The following CRYBA4 variants were observed in gnomAD, a reference collection of about 807,000 sequenced individuals.
CRYBA4 encodes the protein crystallin beta A4.
CRYBA4 carries 30 observed loss-of-function variants against 31.7 expected under a neutral mutation model. The ratio of observed to expected loss-of-function variants is 0.95; its 90% CI spans 0.71 to 1.28. The LOEUF (loss-of-function observed/expected upper bound fraction) is 1.28, where lower values mean the gene tolerates loss of function less well. CRYBA4 is among the 50% of genes most tolerant of loss of function. The pLI is 0.00. For synonymous variants in CRYBA4, 102 were observed against 102.3 expected (o/e 1.00, Z 0.02); for missense variants, 225 against 260.7 (o/e 0.86, Z 0.94).
chr22:26,604,397 C>T, the CRYBA4 span, among the ~76,000 whole-genome samples: 1 of 152,212 alleles, frequency 6.6e-6, no homozygotes, highest in Non-Finnish European at 1.5e-5. Flanking sequence ...CTGTTATTAT[C>T]TACTGTTATT....
intron 5 of CRYBA4, among the ~76,000 whole-genome samples, chr22:26,629,760 A>G (rs577140653): frequency 1.1e-4 from 17 of 151,148 alleles, no homozygotes; most frequent in African/African-American, 3.6e-4. Context: ...AAAAAAATCA[A>G]TGAATTGAAA....
the CRYBA4 span, among the ~76,000 whole-genome samples, chr22:26,611,089 G>GC: frequency 9.9e-5 from 15 of 152,242 alleles, no homozygotes; most frequent in South Asian, 3.1e-3. Flanking sequence ...AGTCACTAAG[G>GC]CCCAGAGACA....
chr22:26,594,383 A>G, the CRYBA4 span, among the ~76,000 whole-genome samples: 2 of 152,110 alleles, frequency 1.3e-5, no homozygotes, highest in African/African-American at 4.8e-5. Context: ...CCCCACATAT[A>G]CACACTGCCG....
upstream of CRYBA4, among the ~76,000 whole-genome samples, chr22:26,618,251 C>A (rs1929423655): frequency 6.6e-6 from 1 of 152,244 alleles, no homozygotes; most frequent in Non-Finnish European, 1.5e-5. Flanking sequence ...CCTACCCTGA[C>A]TCCTTTCTCA....
upstream of CRYBA4, among the ~76,000 whole-genome samples, chr22:26,618,887 G>A (rs550301062): frequency 5.9e-4 from 90 of 152,288 alleles, no homozygotes; most frequent in Middle Eastern, 6.8e-3. Context: ...TATCGACAGT[G>A]ATCCCTCTCG....
the CRYBA4 span, chr22:26,599,482 G>T: frequency 9.9e-5 from 159 of 1,607,978 alleles, no homozygotes; most frequent in Non-Finnish European, 1.3e-4. Context: ...GCAGAGTGAG[G>T]TGTGGACTCA....
At chr22:26,630,038 A>G (rs547597181) in intron 5 of CRYBA4, among the ~76,000 whole-genome samples, 1 of 152,376 alleles carries the variant, frequency 6.6e-6, no homozygotes. Flanking sequence ...AGTGCTACAA[A>G]GGTATAATAA....
At chr22:26,621,758 CCTT>C (rs1929538888), upstream of CRYBA4, among the ~76,000 whole-genome samples, 1 of 152,224 alleles carries the variant, frequency 6.6e-6, no homozygotes, top group Non-Finnish European at 1.5e-5. Context: ...CCACCTCTCT[CCTT>C]CTTCGTGGCT....
intron 2 of CRYBA4, among the ~76,000 whole-genome samples, chr22:26,622,976 T>C (rs1929579944): frequency 6.6e-6 from 1 of 152,214 alleles, no homozygotes; most frequent in African/African-American, 2.4e-5. Flanking sequence ...GATCTAGTGA[T>C]TGTCTTGAGA....
chr22:26,602,883 G>A, the CRYBA4 span, among the ~76,000 whole-genome samples: 1 of 152,030 alleles, frequency 6.6e-6, no homozygotes, highest in African/African-American at 2.4e-5. Flanking sequence ...CAGCACTTTG[G>A]GAGGCCGAGG....
chr22:26,623,693 C>T (rs1400478403), intron 3 of CRYBA4, among the ~76,000 whole-genome samples: 1 of 151,536 alleles, frequency 6.6e-6, no homozygotes, highest in Non-Finnish European at 1.5e-5. Flanking sequence ...TAAAAATAAA[C>T]ATAATGTTTT....
the CRYBA4 span, chr22:26,601,821 C>T: frequency 1.2e-6 from 2 of 1,609,894 alleles, no homozygotes; most frequent in East Asian, 4.5e-5. Flanking sequence ...GGGGAGCAGC[C>T]TCTGATTCTG....
intron 4 of CRYBA4, among the ~76,000 whole-genome samples, chr22:26,627,644 C>T (rs550361888): frequency 5.7e-5 from 8 of 140,186 alleles, no homozygotes; most frequent in South Asian, 2.2e-4. Context: ...TTCTCTCTCT[C>T]TCTTTCTTTC....
the CRYBA4 span, among the ~76,000 whole-genome samples, chr22:26,612,485 C>A: frequency 2.0e-5 from 3 of 152,192 alleles, no homozygotes; most frequent in Non-Finnish European, 4.4e-5. Flanking sequence ...ACCTCAGCCT[C>A]CGAGTAGTTG....
chr22:26,597,280 G>A, the CRYBA4 span, among the ~76,000 whole-genome samples: 2 of 151,980 alleles, frequency 1.3e-5, no homozygotes, highest in African/African-American at 4.8e-5. Flanking sequence ...GCTTCACCGG[G>A]GCCCACCACA....
chr22:26,610,589 T>C, the CRYBA4 span, among the ~76,000 whole-genome samples: 2 of 152,314 alleles, frequency 1.3e-5, no homozygotes, highest in Admixed American at 1.3e-4. Flanking sequence ...TGAGGCTGCG[T>C]TGACCACACT....
At chr22:26,618,450 A>G (rs1929432169), upstream of CRYBA4, among the ~76,000 whole-genome samples, 3 of 151,866 alleles carry the variant, frequency 2.0e-5, no homozygotes. Context: ...TAAGGTGGGC[A>G]CGTGTCCCTG....
rs1335648510 is a variant in CRYBA4, at chr22:26,630,549, T to TC, written c.*62_*63insC. The TC allele has an allele frequency of 8.4e-5, 123 of 1,457,250 alleles. No homozygotes were observed. The highest frequency in any genetic ancestry group is 1.2e-4 in the Non-Finnish European group (122 of 1,060,190). 90.3% of individuals were successfully genotyped at this position (1,457,250 alleles called of 1,614,324 possible). ...TCTGCAATGGAGGCGCTCTGGAGGC[T>TC]GTGGTGTGTTCTCTCCTTCTGCCTC... On this transcript the variant is annotated 3_prime_UTR_variant, in exon 6 of 6. Transcript: ENST00000354760.
chr22:26,616,086 G>A, the CRYBA4 span: 1 of 1,380,442 alleles, frequency 7.2e-7, no homozygotes, highest in Non-Finnish European at 1.0e-6. Flanking sequence ...AGGAGGAGGA[G>A]GGAAGGAAGG....
Sources: allele counts gnomAD v4.1 joint callset (sites outside exome capture counted in the v4.1 genomes callset), GRCh38; gene constraint gnomAD v4.1.1; transcripts MANE v1.5; gene names NCBI Gene and HGNC (gene_info 2026-07-23, HGNC 2026-07-21).